Variants in ARHGEF7 observed in about 807,000 individuals in gnomAD.
ARHGEF7 encodes the protein PAK-interacting exchange factor beta.
In ARHGEF7, 33 loss-of-function variants were observed where a neutral mutation model predicts 109.8. The observed-to-expected ratio is 0.30, with a 90% CI of 0.23 to 0.40. The LOEUF (loss-of-function observed/expected upper bound fraction) is 0.40. ARHGEF7 is among the 10% of genes least tolerant of loss of function. The pLI is 1.00. For synonymous variants in ARHGEF7, 458 were observed against 424.6 expected, an observed-to-expected ratio of 1.08 and a Z score of -0.97; for missense variants, 938 against 1,098.5, an observed-to-expected ratio of 0.85 and a Z score of 2.07.
intron 18 of ARHGEF7, among the ~76,000 whole-genome samples, chr13:111,288,721 C>G (rs766406507): frequency 1.3e-5 from 2 of 152,150 alleles, no homozygotes; most frequent in Non-Finnish European, 2.9e-5. Context: ...TGCCAGAATT[C>G]ATAATGCTTT....
chr13:111,162,153 C>G (rs921776313), intron 2 of ARHGEF7, among the ~76,000 whole-genome samples: 7 of 152,188 alleles, frequency 4.6e-5, no homozygotes, highest in Non-Finnish European at 1.0e-4. Flanking sequence ...CCTTCCTGTC[C>G]TATGGATGTC....
intron 8 of ARHGEF7, among the ~76,000 whole-genome samples, chr13:111,263,626 C>T (rs1390461820): frequency 6.6e-6 from 1 of 152,214 alleles, no homozygotes; most frequent in African/African-American, 2.4e-5. Context: ...GCAGTGTTTT[C>T]TGTGCGTATA....
chr13:111,247,132 T>G (rs530603991), intron 8 of ARHGEF7, among the ~76,000 whole-genome samples: 1 of 152,358 alleles, frequency 6.6e-6, no homozygotes, highest in African/African-American at 2.4e-5. Flanking sequence ...GCTATTTCTC[T>G]TCTTTTTATT....
intron 7 of ARHGEF7, 39 bp downstream of exon 7, chr13:111,244,005 C>A: frequency 6.6e-7 from 1 of 1,509,546 alleles, no homozygotes. Context: ...GTAAAATAGT[C>A]TAAACCTTAG....
intron 5 of ARHGEF7, among the ~76,000 whole-genome samples, chr13:111,226,184 A>G (rs12874510): frequency 0.29 from 43,420 of 152,224 alleles, 7,629 homozygotes; most frequent in Non-Finnish European, 0.39. Context: ...CTTCAATTCT[A>G]TGAAGACTGA....
intron 4 of ARHGEF7, among the ~76,000 whole-genome samples, chr13:111,214,426 G>C (rs2082870516): frequency 6.6e-6 from 1 of 152,240 alleles, no homozygotes; most frequent in Non-Finnish European, 1.5e-5. Flanking sequence ...CATTGGAGCT[G>C]ATCACCAGGG....
chr13:111,264,711 T>TCC (rs1287027021), intron 8 of ARHGEF7, among the ~76,000 whole-genome samples: 6 of 152,164 alleles, frequency 3.9e-5, no homozygotes, highest in Non-Finnish European at 8.8e-5. Context: ...GGCGTTGGCC[T>TCC]TTTTTTACAC....
chr13:111,253,867 C>T (rs140806246), intron 8 of ARHGEF7, among the ~76,000 whole-genome samples: 1 of 152,362 alleles, frequency 6.6e-6, no homozygotes, highest in East Asian at 1.9e-4. Flanking sequence ...CCAGTTATCA[C>T]AGTTCAAATG....
chr13:111,190,074 C>T (rs907361967), intron 2 of ARHGEF7, among the ~76,000 whole-genome samples: 1 of 152,140 alleles, frequency 6.6e-6, no homozygotes, highest in Non-Finnish European at 1.5e-5. Context: ...ACTATTTAGG[C>T]TAGTGAAAGG....
At chr13:111,223,685 A>G (rs1293442835) in intron 5 of ARHGEF7, among the ~76,000 whole-genome samples, 1 of 152,192 alleles carries the variant, frequency 6.6e-6, no homozygotes, top group Admixed American at 6.5e-5. Context: ...TTGAAGACAG[A>G]TAAAATGTTC....
chr13:111,115,715 C>T (rs1298953893), intron 1 of ARHGEF7, 24 bp downstream of exon 1: 9 of 1,133,920 alleles, frequency 7.9e-6, no homozygotes, highest in Non-Finnish European at 9.7e-6. Flanking sequence ...CGCGCCCCCG[C>T]CCGCGCCCCC....
chr13:111,116,259 G>A (rs956337008), intron 1 of ARHGEF7: 17 of 152,586 alleles, frequency 1.1e-4, no homozygotes, highest in African/African-American at 4.1e-4. Context: ...CCGAGAGGAC[G>A]GCAGACACAG....
At chr13:111,265,471 T>G (rs577706163) in intron 8 of ARHGEF7, 1 of 423,992 alleles carries the variant, frequency 2.4e-6, no homozygotes, top group South Asian at 1.7e-5. Context: ...CTCCTGACTA[T>G]GACTTTCTCC....
chr13:111,233,149 G>T (rs1249050981), intron 5 of ARHGEF7, 56 bp from the exon 6 acceptor site: 111 of 1,455,196 alleles, frequency 7.6e-5, no homozygotes, highest in Non-Finnish European at 9.9e-5. Flanking sequence ...TGAGGGGCTG[G>T]AACTTTTGTC....
At chr13:111,234,945 G>A (rs949415508) in intron 6 of ARHGEF7, among the ~76,000 whole-genome samples, 2 of 152,126 alleles carry the variant, frequency 1.3e-5, no homozygotes, top group African/African-American at 4.8e-5. Flanking sequence ...TAACCCATTC[G>A]CTTTTTAGTG....
At chr13:111,301,450 T>C in intron 20 of ARHGEF7, 28 bp from the exon 21 acceptor site, 1 of 1,592,358 alleles carries the variant, frequency 6.3e-7, no homozygotes, top group Non-Finnish European at 8.6e-7. Context: ...ACCTTGTTCA[T>C]GTGTGTGTGT....
intron 4 of ARHGEF7, among the ~76,000 whole-genome samples, chr13:111,212,785 A>G (rs560111743): frequency 1.3e-5 from 2 of 152,314 alleles, no homozygotes; most frequent in South Asian, 2.1e-4. Context: ...TGTCAATTCA[A>G]AGACTTCTCT....
At chr13:111,293,276 T>G (rs547739300) in intron 19 of ARHGEF7, 12 of 985,370 alleles carry the variant, frequency 1.2e-5, no homozygotes, top group Non-Finnish European at 1.4e-5. Flanking sequence ...TCCATACTTA[T>G]GTTGTCTGGA....
At chr13:111,198,140 G>T (rs112613798) in intron 2 of ARHGEF7, among the ~76,000 whole-genome samples, 2,327 of 152,008 alleles carry the variant, frequency 0.015, 38 homozygotes, top group East Asian at 0.069. Flanking sequence ...AGAGTCGGGG[G>T]TTGTTAGCCC....
Sources: allele counts gnomAD v4.1 joint callset (sites outside exome capture counted in the v4.1 genomes callset), GRCh38; gene constraint gnomAD v4.1.1; transcripts MANE v1.5; gene names NCBI Gene and HGNC (gene_info 2026-07-23, HGNC 2026-07-21).